RAB11FIP4: variants seen among roughly 807,000 people sequenced by gnomAD.
RAB11FIP4 encodes RAB11 family interacting protein 4.
Under a neutral mutation model 74.3 loss-of-function variants are expected in RAB11FIP4, and 23 were observed. That is an observed-to-expected ratio of 0.31 (90% CI 0.22 to 0.44). The LOEUF (loss-of-function observed/expected upper bound fraction) is 0.44. RAB11FIP4 is among the 20% of genes least tolerant of loss of function. The pLI is 1.00. For missense variants in RAB11FIP4, 630 were observed against 863.9 expected (o/e 0.73, Z 3.39); for synonymous variants, 360 against 359.9 (o/e 1.00, Z 0.00).
chr17:31,510,971 G>A (rs1183943068), intron 3 of RAB11FIP4, among the ~76,000 whole-genome samples: 1 of 152,162 alleles, frequency 6.6e-6, no homozygotes, highest in Non-Finnish European at 1.5e-5. Context: ...GCAGTGAGCT[G>A]TGATTGCGCC....
intron 6 of RAB11FIP4, 102 bp from the exon 7 acceptor site, chr17:31,522,258 G>A (rs2072681478): frequency 7.4e-7 from 1 of 1,347,830 alleles, no homozygotes; most frequent in Non-Finnish European, 1.0e-6. Flanking sequence ...TTCAGTGGGA[G>A]GGAAGAGCCT....
At chr17:31,510,359 C>T (rs780514729) in intron 3 of RAB11FIP4, among the ~76,000 whole-genome samples, 4 of 152,252 alleles carry the variant, frequency 2.6e-5, no homozygotes, top group African/African-American at 4.8e-5. Flanking sequence ...TGTCCACCCC[C>T]ACCGCACACA....
At chr17:31,503,480 G>A (rs2072259372) in intron 3 of RAB11FIP4, among the ~76,000 whole-genome samples, 1 of 149,898 alleles carries the variant, frequency 6.7e-6, no homozygotes, top group African/African-American at 2.6e-5. Flanking sequence ...AAGGGAAGGG[G>A]GAAGAGGAAG....
chr17:31,522,102 C>T, intron 6 of RAB11FIP4, 53 bp downstream of exon 6: 2 of 1,605,338 alleles, frequency 1.2e-6, no homozygotes, highest in Non-Finnish European at 1.7e-6. Context: ...AGGGCAGGGC[C>T]TGGAGGGAGA....
Position 31,431,795 on chromosome 17 carries a change from C to T in RAB11FIP4, c.160-18C>T. On this transcript the variant is annotated intron_variant, in intron 1 of 14. Coordinates refer to ENST00000621161, the MANE Select transcript of RAB11FIP4 (RefSeq NM_032932.6). ...GATCCTTGGGTGTCTCACACCTGTC[C>T]CTGCTTCATTCCCACAGGTGGAAAA... 1 of 1,592,746 alleles carries T rather than the reference C, an allele frequency of 6.3e-7. No homozygotes were observed. Among genetic ancestry groups the T allele is most frequent in the Non-Finnish European group, 8.6e-7 (1 of 1,160,774 alleles).
intron 3 of RAB11FIP4, among the ~76,000 whole-genome samples, chr17:31,480,682 G>A (rs150268470): frequency 2.1e-3 from 319 of 151,666 alleles, no homozygotes; most frequent in African/African-American, 7.6e-3. Flanking sequence ...CAGCTACTCG[G>A]GAGGCTGAGG....
intron 3 of RAB11FIP4, among the ~76,000 whole-genome samples, chr17:31,498,812 A>G (rs149885625): frequency 6.6e-6 from 1 of 152,302 alleles, no homozygotes; most frequent in Non-Finnish European, 1.5e-5. Flanking sequence ...GAGAAGAAAG[A>G]GCTGGCCTGA....
chr17:31,441,936 A>G (rs1402837473), intron 3 of RAB11FIP4, among the ~76,000 whole-genome samples: 1 of 152,186 alleles, frequency 6.6e-6, no homozygotes, highest in Non-Finnish European at 1.5e-5. Context: ...AAATGGCAAC[A>G]TGATATTTCA....
At position 31,528,449 on chromosome 17, in the gene RAB11FIP4, G is replaced by A. The variant is rs762337668; in HGVS notation, c.1400G>A (p.Arg467Gln). 9 of 1,613,468 alleles carry A rather than the reference G, an allele frequency of 5.6e-6. No individual in the cohort carries two copies. The highest frequency in any genetic ancestry group is 7.6e-6 in the Non-Finnish European group (9 of 1,180,042). The change falls in exon 12 of 15, where the codon CGG becomes CAG. Residue 467 changes from arginine to glutamine, a missense_variant. Arg to Gln is a conservative substitution (Grantham distance 43). Transcript: ENST00000621161. ...GACCGTCTGGAGGACACCAGCCTGC[G>A]GCTCAAAGATGAGATGGACCTGTAC... Reference protein sequence around the residue: ...MSDRLEDTSLRLKDEMDLYKR... With the variant: ...MSDRLEDTSLQLKDEMDLYKR...
At chr17:31,436,790 GT>G (rs1320546503) in intron 3 of RAB11FIP4, among the ~76,000 whole-genome samples, 1 of 134,552 alleles carries the variant, frequency 7.4e-6, no homozygotes, top group Non-Finnish European at 1.6e-5. Context: ...TGTTTTTTTT[GT>G]TTTTTTTGTT....
intron 1 of RAB11FIP4, among the ~76,000 whole-genome samples, chr17:31,405,672 CA>C (rs2071035718): frequency 6.6e-6 from 1 of 151,928 alleles, no homozygotes; most frequent in Non-Finnish European, 1.5e-5. Flanking sequence ...ATTTTAAAAG[CA>C]AAAAAATTAT....
chr17:31,445,568 ATATATATATATTTTTTTTTTTT>A (rs2071451764), intron 3 of RAB11FIP4, among the ~76,000 whole-genome samples: 6 of 12,678 alleles, frequency 4.7e-4, no homozygotes, highest in African/African-American at 2.0e-3. Context: ...ATATATATAT[ATATATATATATTTTTTTTTTTT>A]TTTTTTTTTT....
intron 3 of RAB11FIP4, among the ~76,000 whole-genome samples, chr17:31,461,295 T>A (rs1032366671): frequency 9.2e-5 from 14 of 152,034 alleles, no homozygotes; most frequent in African/African-American, 3.4e-4. Context: ...CACATCTCCA[T>A]CCACCCTACA....
intron 1 of RAB11FIP4, among the ~76,000 whole-genome samples, chr17:31,402,232 C>CCAT (rs57785883): frequency 0.39 from 58,998 of 149,922 alleles, 12,546 homozygotes; most frequent in African/African-American, 0.56. Flanking sequence ...CATCCATCCA[C>CCAT]CCACCATCTA....
At chr17:31,412,382 C>A (rs2071106592) in intron 1 of RAB11FIP4, among the ~76,000 whole-genome samples, 1 of 152,224 alleles carries the variant, frequency 6.6e-6, no homozygotes, top group Non-Finnish European at 1.5e-5. Flanking sequence ...CCCGCTCCCC[C>A]TTCACTTTAG....
intron 3 of RAB11FIP4, among the ~76,000 whole-genome samples, chr17:31,476,259 A>G (rs1166865473): frequency 7.5e-6 from 1 of 132,678 alleles, no homozygotes; most frequent in Non-Finnish European, 1.5e-5. Flanking sequence ...ATCTTGGCTC[A>G]CTGCAATGTC....
At chr17:31,473,008 G>A (rs537230262) in intron 3 of RAB11FIP4, among the ~76,000 whole-genome samples, 4 of 151,780 alleles carry the variant, frequency 2.6e-5, no homozygotes, top group African/African-American at 7.3e-5. Flanking sequence ...ACTCCAGCCT[G>A]AGCAACAGAG....
At chr17:31,415,491 C>T (rs1479341304) in intron 1 of RAB11FIP4, among the ~76,000 whole-genome samples, 1 of 152,184 alleles carries the variant, frequency 6.6e-6, no homozygotes, top group Admixed American at 6.5e-5. Context: ...TTCTCCCAGT[C>T]CTCTGACCCC....
At chr17:31,477,549 A>G (rs545831703) in intron 3 of RAB11FIP4, among the ~76,000 whole-genome samples, 1 of 152,250 alleles carries the variant, frequency 6.6e-6, no homozygotes, top group South Asian at 2.1e-4. Flanking sequence ...GCGCCTGGAC[A>G]GGCAGCCGGC....
Sources: gnomAD v4.1 joint callset for allele counts (sites outside exome capture counted in the v4.1 genomes callset) on GRCh38, gnomAD v4.1.1 for gene constraint, MANE v1.5 for transcripts, NCBI Gene and HGNC (gene_info 2026-07-23, HGNC 2026-07-21) for gene names.